The following PEX5L variants were observed in gnomAD, a reference collection of about 807,000 sequenced individuals.
PEX5L encodes the protein PEX5-related protein.
A neutral mutation model predicts 84.0 loss-of-function variants in PEX5L; 30 were observed. That is an observed-to-expected ratio of 0.36 (90% CI 0.27 to 0.48). PEX5L has a LOEUF of 0.48. PEX5L is among the 20% of genes least tolerant of loss of function. The pLI, the probability that PEX5L is intolerant of heterozygous loss-of-function variation, is 0.99. For missense variants in PEX5L, 533 were observed against 754.6 expected, an observed-to-expected ratio of 0.71 and a Z score of 3.44; for synonymous variants, 270 against 283.1, an observed-to-expected ratio of 0.95 and a Z score of 0.46.
At chr3:179,986,000 G>A (rs938344343) in intron 1 of PEX5L, among the ~76,000 whole-genome samples, 22 of 152,014 alleles carry the variant, frequency 1.4e-4, no homozygotes, top group Non-Finnish European at 3.2e-4. Context: ...GGCTGGATGT[G>A]GATGTTTCTG....
intron 6 of PEX5L, among the ~76,000 whole-genome samples, 193 bp downstream of exon 6, chr3:179,875,155 TGACTGA>T (rs3030807): frequency 0.92 from 138,950 of 151,724 alleles, 63,697 homozygotes; most frequent in South Asian, 0.97. Flanking sequence ...AAATGCTTAT[TGACTGA>T]GACTGAGTTG....
chr3:179,988,720 G>A (rs534387867), intron 1 of PEX5L, among the ~76,000 whole-genome samples: 17 of 152,294 alleles, frequency 1.1e-4, no homozygotes, highest in African/African-American at 4.1e-4. Context: ...GTAAACACCT[G>A]CTTTAGAAAA....
At chr3:179,989,483 T>C (rs1294016876) in intron 1 of PEX5L, among the ~76,000 whole-genome samples, 1 of 152,170 alleles carries the variant, frequency 6.6e-6, no homozygotes, top group Non-Finnish European at 1.5e-5. Context: ...AGATAACTAG[T>C]TTACAAAATT....
chr3:180,000,682 A>G (rs9877100), intron 1 of PEX5L, among the ~76,000 whole-genome samples: 2,587 of 151,590 alleles, frequency 0.017, 86 homozygotes, highest in African/African-American at 0.06. Flanking sequence ...TTGTACTAAG[A>G]AGATATGTTG....
At chr3:180,023,012 C>T (rs1790555335) in intron 1 of PEX5L, among the ~76,000 whole-genome samples, 1 of 152,172 alleles carries the variant, frequency 6.6e-6, no homozygotes. Context: ...AGAAAACTTG[C>T]AAAATCATTT....
At chr3:179,817,189 T>C (rs1425518461) in intron 9 of PEX5L, among the ~76,000 whole-genome samples, 2 of 152,156 alleles carry the variant, frequency 1.3e-5, no homozygotes, top group African/African-American at 2.4e-5. Context: ...TGAGCATGCA[T>C]GTTTTAAAGT....
intron 8 of PEX5L, among the ~76,000 whole-genome samples, chr3:179,830,303 A>G (rs1159826622): frequency 2.1e-5 from 1 of 47,826 alleles, no homozygotes; most frequent in Non-Finnish European, 4.4e-5. Context: ...CCTTTTTTTT[A>G]TGACTACCTG....
intron 8 of PEX5L, among the ~76,000 whole-genome samples, chr3:179,857,050 A>G (rs919625591): frequency 6.6e-6 from 1 of 152,228 alleles, no homozygotes; most frequent in African/African-American, 2.4e-5. Flanking sequence ...GTAAACAGCC[A>G]GTATGGTTTG....
chr3:180,007,869 T>G (rs1789066278), intron 1 of PEX5L, among the ~76,000 whole-genome samples: 1 of 152,202 alleles, frequency 6.6e-6, no homozygotes, highest in Non-Finnish European at 1.5e-5. Context: ...GCCTGGCCCA[T>G]GAGGCCACCT....
At chr3:179,848,566 A>AAG (rs1338742802) in intron 8 of PEX5L, among the ~76,000 whole-genome samples, 1 of 151,504 alleles carries the variant, frequency 6.6e-6, no homozygotes, top group Non-Finnish European at 1.5e-5. Context: ...AAAAAAAAAA[A>AAG]AAAGAAAAGA....
In PEX5L at chr3:179,811,785, A is replaced by T; in HGVS notation, c.1154+16T>A. ...GTATCCACCAGGCCCATGATTTTGC[A>T]CTTAGCTTCCTTTACCTCTGGAGGG... is the stretch of plus-strand genomic sequence containing the variant. On this transcript the variant is annotated intron_variant, in intron 11 of 14. Coordinates refer to ENST00000467460, the MANE Select transcript of PEX5L (RefSeq NM_016559.3). 1 of 1,599,796 alleles carries T rather than the reference A, an allele frequency of 6.3e-7. No homozygotes were observed. Among genetic ancestry groups the T allele is most frequent in the Non-Finnish European group, 8.6e-7 (1 of 1,166,846 alleles).
chr3:179,864,212 G>A (rs1747318472), intron 7 of PEX5L, among the ~76,000 whole-genome samples: 1 of 152,042 alleles, frequency 6.6e-6, no homozygotes, highest in African/African-American at 2.4e-5. Flanking sequence ...AATGAAATCA[G>A]TATGTCTAAG....
intron 2 of PEX5L, among the ~76,000 whole-genome samples, chr3:179,903,977 G>A (rs1762292361): frequency 6.6e-6 from 1 of 152,224 alleles, no homozygotes; most frequent in Admixed American, 6.5e-5. Flanking sequence ...GACAGAATTT[G>A]CTTGTCTTAA....
At chr3:179,972,925 G>C (rs774389392) in intron 1 of PEX5L, among the ~76,000 whole-genome samples, 4 of 151,978 alleles carry the variant, frequency 2.6e-5, no homozygotes, top group Non-Finnish European at 5.9e-5. Flanking sequence ...ACTCAGAACA[G>C]AACAGATGGC....
chr3:179,905,555 C>T (rs1381678147), intron 2 of PEX5L, among the ~76,000 whole-genome samples: 5 of 152,124 alleles, frequency 3.3e-5, no homozygotes, highest in East Asian at 1.9e-4. Flanking sequence ...CACCGCGCCC[C>T]GCCAATCTGT....
rs921986053 is a variant in PEX5L at position 180,030,550 on chromosome 3, C to T, written c.21+6029G>A. Among the ~76,000 whole-genome samples the T allele has an allele frequency of 3.3e-5, 5 of 152,176 alleles. No homozygotes were observed. In the South Asian group the frequency reaches 8.3e-4, roughly 25 times the overall value. ...GAGTCTTTACTTTCCCAGCCAATAT[C>T]CCCAGTTCTTTCAATCATTATTCAT... On this transcript the variant is annotated intron_variant, in intron 1 of 14. Coordinates refer to ENST00000467460, the MANE Select transcript of PEX5L (RefSeq NM_016559.3).
chr3:179,843,426 T>A (rs1265229343), intron 8 of PEX5L, among the ~76,000 whole-genome samples: 1 of 152,218 alleles, frequency 6.6e-6, no homozygotes, highest in East Asian at 1.9e-4. Flanking sequence ...AATGGTATCA[T>A]GTTATAGATG....
Position 179,859,085 on chromosome 3 carries a change from C to G in PEX5L, c.799G>C (p.Glu267Gln). Reference protein sequence around the residue: ...SRNHSLEEEFERAKAAVESDT... With the variant: ...SRNHSLEEEFQRAKAAVESDT... The stretch of plus-strand genomic sequence containing the variant: ...ACCTCCACTGCTGCTTTTGCCCTTT[C>G]AAACTCTTCTTCTAAGGAGTGGTTT... The change falls in exon 8 of 15, where the codon GAA becomes CAA. Residue 267 changes from glutamate (E) to glutamine (Q), a missense_variant. Physicochemically the swap from Glu to Gln is conservative, Grantham distance 29 (BLOSUM62 2). This residue lies in a region of PEX5L where 10 missense variants were observed against 40.6 expected (regional missense o/e 0.25). Coordinates refer to ENST00000467460, the MANE Select transcript of PEX5L (RefSeq NM_016559.3). 1 of 1,613,776 alleles carries G rather than the reference C, an allele frequency of 6.2e-7. No individual in the cohort carries two copies. Among genetic ancestry groups the G allele is most frequent in the Non-Finnish European group, 8.5e-7 (1 of 1,179,642 alleles).
At chr3:179,803,850 T>C (rs3774230) in intron 14 of PEX5L, among the ~76,000 whole-genome samples, 47,048 of 152,054 alleles carry the variant, frequency 0.31, 7,733 homozygotes, top group African/African-American at 0.41. Flanking sequence ...TATGTAGCAA[T>C]CTGGATAATG....
Sources: allele counts gnomAD v4.1 joint callset (sites outside exome capture counted in the v4.1 genomes callset), GRCh38; gene constraint gnomAD v4.1.1; regional missense constraint gnomAD v4.1.1; transcripts MANE v1.5; gene names NCBI Gene and HGNC (gene_info 2026-07-23, HGNC 2026-07-21).